CDH18: variants seen among roughly 807,000 people sequenced by gnomAD.
CDH18 encodes the protein cadherin 18, also known as cadherin-18.
A neutral mutation model predicts 67.9 loss-of-function variants in CDH18; 31 were observed. The ratio of observed to expected loss-of-function variants is 0.46; its 90% CI spans 0.34 to 0.62. CDH18 has a LOEUF of 0.62. CDH18 is among the 20% of genes least tolerant of loss of function. CDH18 has a pLI of 0.01. For synonymous variants in CDH18, 362 were observed against 347.2 expected (o/e 1.04, Z -0.48); for missense variants, 890 against 975.5 (o/e 0.91, Z 1.17).
At chr5:19,762,690 C>T (rs1237618988) in intron 3 of CDH18, among the ~76,000 whole-genome samples, 5 of 152,006 alleles carry the variant, frequency 3.3e-5, no homozygotes, top group Non-Finnish European at 7.4e-5. Context: ...GACATTGTGG[C>T]GATTCCTCAA....
At chr5:19,511,587 C>G (rs930342751) in intron 10 of CDH18, among the ~76,000 whole-genome samples, 3 of 152,146 alleles carry the variant, frequency 2.0e-5, no homozygotes, top group African/African-American at 4.8e-5. Flanking sequence ...AAAAGTGACT[C>G]TTGCTATGCT....
At chr5:20,047,217 A>T (rs1740983389) in intron 2 of CDH18, among the ~76,000 whole-genome samples, 2 of 151,822 alleles carry the variant, frequency 1.3e-5, no homozygotes, top group Admixed American at 1.3e-4. Context: ...GAAACAAAAA[A>T]ATGGCAGAGG....
intron 5 of CDH18, among the ~76,000 whole-genome samples, chr5:19,622,365 G>C (rs1750845089): frequency 6.6e-6 from 1 of 152,176 alleles, no homozygotes; most frequent in Non-Finnish European, 1.5e-5. Flanking sequence ...TTAGCCCTTA[G>C]GATCTTCTCT....
At chr5:20,493,075 G>A (rs1210031037) in intron 1 of CDH18, among the ~76,000 whole-genome samples, 1 of 151,986 alleles carries the variant, frequency 6.6e-6, no homozygotes, top group Non-Finnish European at 1.5e-5. Context: ...TTGGCCCGGG[G>A]TTGTGGCTCA....
At chr5:19,749,747 T>C (rs1467929610) in intron 3 of CDH18, among the ~76,000 whole-genome samples, 1 of 151,104 alleles carries the variant, frequency 6.6e-6, no homozygotes, top group Non-Finnish European at 1.5e-5. Flanking sequence ...ATTTCAGTAA[T>C]TTTAGGGCTA....
intron 8 of CDH18, among the ~76,000 whole-genome samples, chr5:19,549,844 T>C (rs1737073258): frequency 6.6e-6 from 1 of 151,844 alleles, no homozygotes; most frequent in South Asian, 2.1e-4. Flanking sequence ...GACAGGTAAC[T>C]GATTATAATG....
intron 1 of CDH18, among the ~76,000 whole-genome samples, chr5:20,371,908 G>T (rs899487900): frequency 1.3e-5 from 2 of 152,296 alleles, no homozygotes; most frequent in East Asian, 3.9e-4. Flanking sequence ...CATGAGGAAA[G>T]CTTCTATTTT....
intron 1 of CDH18, among the ~76,000 whole-genome samples, chr5:20,517,887 G>A (rs924360089): frequency 2.6e-5 from 4 of 152,208 alleles, no homozygotes; most frequent in African/African-American, 9.6e-5. Context: ...GAGTGGTGAA[G>A]GTAGAATCAG....
intron 1 of CDH18, among the ~76,000 whole-genome samples, chr5:20,464,312 T>C (rs566732441): frequency 3.3e-5 from 5 of 152,206 alleles, no homozygotes; most frequent in African/African-American, 1.2e-4. Context: ...TACATGACAG[T>C]TGCATATGAG....
At chr5:20,236,702 G>A (rs1217478748) in intron 2 of CDH18, among the ~76,000 whole-genome samples, 1 of 151,928 alleles carries the variant, frequency 6.6e-6, no homozygotes, top group African/African-American at 2.4e-5. Flanking sequence ...CATTTAAAAA[G>A]TTCAACAAAG....
At chr5:19,960,643 ATACACG>A (rs1458197618) in intron 2 of CDH18, among the ~76,000 whole-genome samples, 1 of 119,694 alleles carries the variant, frequency 8.4e-6, no homozygotes, top group Non-Finnish European at 1.5e-5. Context: ...ATGTATACAT[ATACACG>A]TGTATATATA....
At chr5:20,501,780 A>G (rs1437861774) in intron 1 of CDH18, among the ~76,000 whole-genome samples, 2 of 144,194 alleles carry the variant, frequency 1.4e-5, no homozygotes, top group Non-Finnish European at 3.0e-5. Flanking sequence ...TTGAATAAGT[A>G]TAGCCCAAGT....
chr5:20,390,524 T>G (rs1374569509), intron 1 of CDH18, among the ~76,000 whole-genome samples: 2 of 152,144 alleles, frequency 1.3e-5, no homozygotes, highest in Non-Finnish European at 2.9e-5. Context: ...ATAGGAACAC[T>G]TTTACACTGT....
intron 2 of CDH18, among the ~76,000 whole-genome samples, chr5:20,163,057 CTAAATAAATAAATAAA>C (rs3067898): frequency 1.3e-5 from 2 of 149,398 alleles, no homozygotes; most frequent in Non-Finnish European, 3.0e-5. Context: ...AAAACTGTCT[CTAAATAAATAAATAAA>C]TAAATAAATA....
chr5:19,847,900 C>T (rs766383698), intron 2 of CDH18, among the ~76,000 whole-genome samples: 74 of 152,228 alleles, frequency 4.9e-4, no homozygotes, highest in Non-Finnish European at 2.5e-4. Context: ...ACCGCACATC[C>T]GCTGAAGAAC....
intron 1 of CDH18, among the ~76,000 whole-genome samples, chr5:20,481,606 C>A (rs1214104143): frequency 1.3e-5 from 2 of 152,014 alleles, no homozygotes; most frequent in South Asian, 2.1e-4. Context: ...CAAAGATTTT[C>A]TCTGGCCACA....
At chr5:20,103,058 T>A (rs559540944) in intron 2 of CDH18, among the ~76,000 whole-genome samples, 5 of 152,336 alleles carry the variant, frequency 3.3e-5, no homozygotes, top group Admixed American at 3.3e-4. Flanking sequence ...GTACTCAGGG[T>A]GAGCATATCA....
At chr5:20,290,078 A>G (rs758089168) in intron 1 of CDH18, among the ~76,000 whole-genome samples, 4 of 152,096 alleles carry the variant, frequency 2.6e-5, no homozygotes, top group Non-Finnish European at 4.4e-5. Context: ...GGGAGAAATA[A>G]TACCTTCCTT....
intron 2 of CDH18, among the ~76,000 whole-genome samples, chr5:20,119,180 A>C (rs1748158775): frequency 6.6e-6 from 1 of 152,176 alleles, no homozygotes; most frequent in Non-Finnish European, 1.5e-5. Context: ...TTGTTGGATC[A>C]ATTAAATTAT....
Sources: allele counts gnomAD v4.1 joint callset (sites outside exome capture counted in the v4.1 genomes callset), GRCh38; gene constraint gnomAD v4.1.1; transcripts MANE v1.5; gene names NCBI Gene and HGNC (gene_info 2026-07-23, HGNC 2026-07-21).